Variants in PRKAR1B observed in about 807,000 individuals in gnomAD.
PRKAR1B encodes the protein protein kinase cAMP-dependent type I regulatory subunit beta, also known as cAMP-dependent protein kinase type I-beta regulatory subunit.
Under a neutral mutation model 46.5 loss-of-function variants are expected in PRKAR1B, and 22 were observed. The observed-to-expected ratio is 0.47, with a 90% CI of 0.34 to 0.68. The LOEUF (loss-of-function observed/expected upper bound fraction) is 0.68, where lower values mean the gene tolerates loss of function less well. PRKAR1B is among the 30% of genes least tolerant of loss of function. The pLI, the probability that PRKAR1B is intolerant of heterozygous loss-of-function variation, is 0.01. For synonymous variants in PRKAR1B, 259 were observed against 217.7 expected, an observed-to-expected ratio of 1.19 and a Z score of -1.67; for missense variants, 445 against 535.6, an observed-to-expected ratio of 0.83 and a Z score of 1.67.
chr7:664,380 C>A (rs1009259970), intron 4 of PRKAR1B, among the ~76,000 whole-genome samples: 1 of 152,218 alleles, frequency 6.6e-6, no homozygotes, highest in African/African-American at 2.4e-5. Flanking sequence ...TCTGCCCTGG[C>A]ACCCTCCATC....
rs772691447 is a variant in PRKAR1B at position 677,363 on chromosome 7, T to C, written c.349-43A>G. 1.3e-6 allele frequency: 2 copies of C among 1,566,846 alleles called. 1 individual carries two copies. Among genetic ancestry groups the C allele is most frequent in the South Asian group, 2.2e-5 (2 of 90,130 alleles). On this transcript the variant is annotated intron_variant, in intron 3 of 10. Coordinates refer to ENST00000537384, the MANE Select transcript of PRKAR1B (RefSeq NM_001164760.2). ...CATCACCGTGTGAGCCACCCTGGCC[T>C]GATGCTGTGACGCGGCCTGAAATCT...
chr7:665,179 A>G (rs1230628884), intron 4 of PRKAR1B, among the ~76,000 whole-genome samples: 1 of 152,064 alleles, frequency 6.6e-6, no homozygotes, highest in Non-Finnish European at 1.5e-5. Flanking sequence ...TAGCTGGAAA[A>G]CGCTAGGCGT....
chr7:640,432 T>G (rs1249053989), intron 4 of PRKAR1B, among the ~76,000 whole-genome samples: 1 of 152,092 alleles, frequency 6.6e-6, no homozygotes, highest in Non-Finnish European at 1.5e-5. Flanking sequence ...CCTGAAAAGC[T>G]GTTCAACCCC....
intron 9 of PRKAR1B, among the ~76,000 whole-genome samples, chr7:566,390 C>CCAT (rs139171418): frequency 0.96 from 143,784 of 149,944 alleles, 68,818 homozygotes; most frequent in East Asian, 0.99. Flanking sequence ...CTCATCACCA[C>CCAT]CATCACCACC....
intron 8 of PRKAR1B, among the ~76,000 whole-genome samples, chr7:580,061 G>A (rs928932022): frequency 1.3e-5 from 2 of 151,458 alleles, no homozygotes; most frequent in South Asian, 2.1e-4. Flanking sequence ...GTGAGATCTC[G>A]TCTCTACAAA....
chr7:715,709 G>C (rs1333405764), intron 1 of PRKAR1B, among the ~76,000 whole-genome samples: 3 of 151,802 alleles, frequency 2.0e-5, no homozygotes, highest in African/African-American at 7.3e-5. Context: ...TCCAACCAAA[G>C]AGCCACATTT....
At chr7:694,242 A>G (rs1294273781) in intron 2 of PRKAR1B, among the ~76,000 whole-genome samples, 1 of 152,090 alleles carries the variant, frequency 6.6e-6, no homozygotes, top group African/African-American at 2.4e-5. Context: ...CTGAAATCGC[A>G]CCACTGCACT....
intron 4 of PRKAR1B, among the ~76,000 whole-genome samples, chr7:652,864 T>G (rs1784984994): frequency 6.6e-6 from 1 of 152,220 alleles, no homozygotes; most frequent in African/African-American, 2.4e-5. Flanking sequence ...AAAAATTCAC[T>G]CTTCCTCATG....
chr7:675,269 T>C (rs6970378), intron 4 of PRKAR1B, among the ~76,000 whole-genome samples: 21,797 of 152,204 alleles, frequency 0.14, 1,949 homozygotes, highest in African/African-American at 0.24. Context: ...ACCCCATCAC[T>C]GGCGAGGAGC....
intron 9 of PRKAR1B, among the ~76,000 whole-genome samples, chr7:563,011 G>A (rs1486490150): frequency 2.6e-5 from 4 of 152,196 alleles, no homozygotes. Context: ...AACCTAACGG[G>A]CGCTGATGAA....
rs142586334 is a variant in PRKAR1B, at chr7:714,181, C to T, written c.-22-2654G>A. Among the ~76,000 whole-genome samples the T allele has an allele frequency of 6.8e-3, 1,037 of 152,268 alleles. 12 individuals carry two copies. The highest frequency in any genetic ancestry group is 0.045 in the Middle Eastern group (13 of 292). ...GCCACCTAACCAAGGCGACGTCTCG[C>T]TTCGGGGGGCAGATGCTCCAGGCCT... On this transcript the variant is annotated intron_variant, in intron 1 of 10. Coordinates refer to ENST00000537384, the MANE Select transcript of PRKAR1B (RefSeq NM_001164760.2). This position sits in a 1 kb window ranked among gnomAD's most constrained non-coding sequence, Gnocchi z 4.3.
At chr7:721,719 C>A (rs1479661545) in intron 1 of PRKAR1B, among the ~76,000 whole-genome samples, 1 of 152,120 alleles carries the variant, frequency 6.6e-6, no homozygotes, top group Non-Finnish European at 1.5e-5. Context: ...GGTCTGCTAG[C>A]AATAAATTCT....
At chr7:648,177 G>T (rs181730364) in intron 4 of PRKAR1B, among the ~76,000 whole-genome samples, 5 of 151,736 alleles carry the variant, frequency 3.3e-5, no homozygotes, top group African/African-American at 1.2e-4. Flanking sequence ...CTTAAACTAC[G>T]TACCTCTTCA....
At chr7:595,848 C>T (rs111927762) in intron 7 of PRKAR1B, among the ~76,000 whole-genome samples, 12 of 152,338 alleles carry the variant, frequency 7.9e-5, no homozygotes, top group East Asian at 5.8e-4. Context: ...GTGGGTTTCA[C>T]GCTCATAGTC....
At chr7:717,213 C>T (rs906907522) in intron 1 of PRKAR1B, among the ~76,000 whole-genome samples, 2 of 151,696 alleles carry the variant, frequency 1.3e-5, no homozygotes, top group Non-Finnish European at 2.9e-5. Flanking sequence ...CACTTGAACC[C>T]AAGAGGCAGA....
chr7:673,363 A>G (rs932132498), intron 4 of PRKAR1B, among the ~76,000 whole-genome samples: 5 of 152,148 alleles, frequency 3.3e-5, no homozygotes, highest in African/African-American at 9.7e-5. Context: ...AATAGTCTTC[A>G]GCTCAGCCGG....
intron 4 of PRKAR1B, among the ~76,000 whole-genome samples, chr7:612,344 G>GGATA: frequency 8.0e-6 from 1 of 124,664 alleles, no homozygotes; most frequent in Non-Finnish European, 1.7e-5. Flanking sequence ...GTAGATTAAT[G>GGATA]GATGGATGGA....
chr7:611,034 G>A (rs1216162473), intron 4 of PRKAR1B, among the ~76,000 whole-genome samples: 1 of 152,186 alleles, frequency 6.6e-6, no homozygotes, highest in Non-Finnish European at 1.5e-5. Context: ...AGAGCCCCTG[G>A]TCTGTCTCTT....
chr7:656,222 G>C (rs1785177861), intron 4 of PRKAR1B, among the ~76,000 whole-genome samples: 1 of 152,078 alleles, frequency 6.6e-6, no homozygotes, highest in African/African-American at 2.4e-5. Context: ...GGATAAATGA[G>C]TGACTGAATG....
Sources: gnomAD v4.1 joint callset for allele counts (sites outside exome capture counted in the v4.1 genomes callset) on GRCh38, gnomAD v4.1.1 for gene constraint, Gnocchi (gnomAD v3.1) non-coding constraint, MANE v1.5 for transcripts, NCBI Gene and HGNC (gene_info 2026-07-23, HGNC 2026-07-21) for gene names.